Variants in RIMS1 observed in about 807,000 individuals in gnomAD.
The protein encoded by RIMS1 is regulating synaptic membrane exocytosis protein 1.
RIMS1 carries 83 observed loss-of-function variants against 214.1 expected under a neutral mutation model. The ratio of observed to expected loss-of-function variants is 0.39; its 90% CI spans 0.32 to 0.47. The LOEUF (loss-of-function observed/expected upper bound fraction) is 0.47, where lower values mean the gene tolerates loss of function less well. RIMS1 is among the 20% of genes least tolerant of loss of function. The probability of loss-of-function intolerance (pLI) is 0.99; values close to 1 mark genes in which losing one functional copy is unlikely to be tolerated. For synonymous variants in RIMS1, 793 were observed against 786.8 expected (o/e 1.01, Z -0.13); for missense variants, 2,050 against 2,161.8 (o/e 0.95, Z 1.03).
At chr6:71,906,609 G>A (rs755227564) in intron 1 of RIMS1, among the ~76,000 whole-genome samples, 3 of 152,138 alleles carry the variant, frequency 2.0e-5, no homozygotes, top group Non-Finnish European at 2.9e-5. Flanking sequence ...CTTACCACTA[G>A]TAGTAGTAAT....
At chr6:71,893,068 C>T (rs150233888) in intron 1 of RIMS1, among the ~76,000 whole-genome samples, 38 of 152,228 alleles carry the variant, frequency 2.5e-4, no homozygotes, top group Middle Eastern at 3.4e-3. Flanking sequence ...TTGCTGTTTC[C>T]AAGAAAGGTG....
chr6:71,899,052 T>C (rs549395711), intron 1 of RIMS1, among the ~76,000 whole-genome samples: 40 of 152,230 alleles, frequency 2.6e-4, no homozygotes, highest in Admixed American at 5.9e-4. Context: ...TATAAGTAAA[T>C]TATTGCCAGA....
At chr6:72,117,475 C>T (rs2037315785) in intron 4 of RIMS1, among the ~76,000 whole-genome samples, 2 of 151,856 alleles carry the variant, frequency 1.3e-5, no homozygotes, top group Admixed American at 1.3e-4. Context: ...AATATTAAAG[C>T]CTCTCACTAT....
intron 26 of RIMS1, among the ~76,000 whole-genome samples, chr6:72,306,077 G>GA (rs1209130928): frequency 4.0e-5 from 6 of 151,594 alleles, no homozygotes; most frequent in East Asian, 1.9e-4. Flanking sequence ...CATTGCAATG[G>GA]AAAAAAAATT....
intron 29 of RIMS1, among the ~76,000 whole-genome samples, chr6:72,358,211 A>C (rs769009304): frequency 1.4e-4 from 22 of 152,210 alleles, no homozygotes; most frequent in Non-Finnish European, 2.9e-4. Flanking sequence ...AGGTACTGTA[A>C]AATATAATCC....
chr6:72,054,171 C>A (rs1825500775), intron 2 of RIMS1, among the ~76,000 whole-genome samples: 1 of 151,680 alleles, frequency 6.6e-6, no homozygotes, highest in Non-Finnish European at 1.5e-5. Flanking sequence ...AGTGAGAAAA[C>A]GTGGTGTTTG....
At chr6:72,252,552 C>G (rs2073897887) in intron 15 of RIMS1, among the ~76,000 whole-genome samples, 1 of 152,084 alleles carries the variant, frequency 6.6e-6, no homozygotes, top group Non-Finnish European at 1.5e-5. Flanking sequence ...TTCTATATGT[C>G]TTTGGTGTAA....
At chr6:72,162,735 T>C (rs1394374994) in intron 4 of RIMS1, among the ~76,000 whole-genome samples, 2 of 140,920 alleles carry the variant, frequency 1.4e-5, no homozygotes, top group Non-Finnish European at 3.2e-5. Context: ...TTCTGGCTTG[T>C]AGAGTTTCTT....
chr6:72,117,904 A>G (rs2153826979), intron 4 of RIMS1, among the ~76,000 whole-genome samples: 1 of 152,194 alleles, frequency 6.6e-6, no homozygotes, highest in Non-Finnish European at 1.5e-5. Context: ...CAAACCTAAC[A>G]GAAGAAAAGA....
At chr6:72,120,401 C>T (rs1250676802) in intron 4 of RIMS1, among the ~76,000 whole-genome samples, 1 of 151,860 alleles carries the variant, frequency 6.6e-6, no homozygotes, top group Non-Finnish European at 1.5e-5. Context: ...TCTCTGATGG[C>T]CAGTGATGAT....
At position 71,973,268 on chromosome 6, in the gene RIMS1, C is replaced by T. The variant is rs72929571; in HGVS notation, c.245+4205C>T. ...GGTATGTAAATTTAGGTACCATCTT[C>T]CAGAAGCAGAAAACAATTACCCTGA... On this transcript the variant is annotated intron_variant, in intron 2 of 33. Coordinates refer to ENST00000521978, the MANE Select transcript of RIMS1 (RefSeq NM_014989.7). 3.7e-3 allele frequency among the ~76,000 whole-genome samples: 570 copies of T among 152,260 alleles called. 3 individuals are homozygous for T. Among genetic ancestry groups the T allele is most frequent in the Non-Finnish European group, 5.8e-3 (397 of 68,010 alleles).
intron 28 of RIMS1, among the ~76,000 whole-genome samples, chr6:72,323,963 T>G (rs916154922): frequency 1.1e-4 from 16 of 151,736 alleles, no homozygotes; most frequent in Admixed American, 5.9e-4. Flanking sequence ...AACTTACAAT[T>G]TTATGCTTAG....
chr6:72,038,118 A>AAAATAT (rs1820399900), intron 2 of RIMS1, among the ~76,000 whole-genome samples: 2 of 13,416 alleles, frequency 1.5e-4, no homozygotes, highest in African/African-American at 3.3e-4. Flanking sequence ...AAAAAAAAAA[A>AAAATAT]ATATATATAT....
chr6:71,949,211 A>G (rs1788721353), intron 1 of RIMS1, among the ~76,000 whole-genome samples: 1 of 152,124 alleles, frequency 6.6e-6, no homozygotes. Context: ...ATAACTTGCA[A>G]CTCTGATCTC....
intron 1 of RIMS1, among the ~76,000 whole-genome samples, chr6:71,963,087 C>A (rs1030370543): frequency 1.1e-4 from 17 of 152,192 alleles, no homozygotes; most frequent in African/African-American, 4.1e-4. Context: ...ATCAATATAC[C>A]TATATCAGGA....
intron 4 of RIMS1, among the ~76,000 whole-genome samples, chr6:72,157,095 G>A (rs2463711): frequency 0.97 from 135,450 of 139,566 alleles, 66,099 homozygotes; most frequent in East Asian, 1. Flanking sequence ...AGTCTCTGAA[G>A]TTTTTCTCTT....
At chr6:72,254,746 A>G (rs754857573) in intron 16 of RIMS1, among the ~76,000 whole-genome samples, 1 of 152,212 alleles carries the variant, frequency 6.6e-6, no homozygotes, top group Non-Finnish European at 1.5e-5. Context: ...GTGAGAAGTC[A>G]AAGTGAGTTA....
chr6:72,283,007 G>A (rs546818344), intron 23 of RIMS1, among the ~76,000 whole-genome samples: 1 of 152,074 alleles, frequency 6.6e-6, no homozygotes, highest in African/African-American at 2.4e-5. Context: ...GTGAAGGCTT[G>A]TACCTTGATA....
chr6:71,891,739 T>G (rs1769947801), intron 1 of RIMS1, among the ~76,000 whole-genome samples: 1 of 152,190 alleles, frequency 6.6e-6, no homozygotes, highest in Non-Finnish European at 1.5e-5. Context: ...ATTACTAAAT[T>G]AGAAGGAGAA....
Sources: gnomAD v4.1 joint callset for allele counts (sites outside exome capture counted in the v4.1 genomes callset) on GRCh38, gnomAD v4.1.1 for gene constraint, MANE v1.5 for transcripts, NCBI Gene and HGNC (gene_info 2026-07-23, HGNC 2026-07-21) for gene names.